The following ZNF563 variants were observed in gnomAD, a reference collection of about 807,000 sequenced individuals.
ZNF563 encodes zinc finger protein 563.
ZNF563 carries 39 observed loss-of-function variants against 48.5 expected under a neutral mutation model. The observed-to-expected ratio is 0.80, with a 90% CI of 0.62 to 1.05. The LOEUF is 1.05. ZNF563 is among the 50% of genes least tolerant of loss of function. ZNF563 has a pLI of 0.00. For synonymous variants in ZNF563, 168 were observed against 187.9 expected, an observed-to-expected ratio of 0.89 and a Z score of 0.87; for missense variants, 538 against 597.0, an observed-to-expected ratio of 0.90 and a Z score of 1.03.
rs748046558 is a variant in ZNF563, at chr19:12,319,381, T to G, written c.644A>C (p.His215Pro). 4 of 1,614,222 alleles carry G rather than the reference T, an allele frequency of 2.5e-6. No homozygotes were observed. The highest frequency in any genetic ancestry group is 2.2e-5 in the East Asian group (1 of 44,884). Reference protein sequence around the residue: ...AFFWPSLLRMHERTHTGEKPY... With the variant: ...AFFWPSLLRMPERTHTGEKPY... ...TTTCTCTCCAGTGTGAGTTCTTTCA[T>G]GCATACGTAATAAACTGGGCCAAAA... The change falls in exon 4 of 4, where the codon CAT (histidine) becomes CCT (proline). Residue 215 changes from histidine (H) to proline (P), a missense_variant. Coordinates refer to ENST00000293725, the MANE Select transcript of ZNF563 (RefSeq NM_145276.3).
upstream of ZNF563, chr19:12,333,727 C>T (rs1190186157): frequency 1.3e-5 from 7 of 546,644 alleles, no homozygotes; most frequent in Non-Finnish European, 2.3e-5. Context: ...ACAGTTCTCA[C>T]GACCCCGCCC....
At chr19:12,333,203 G>C (rs1968964870) in intron 1 of ZNF563, among the ~76,000 whole-genome samples, 1 of 152,196 alleles carries the variant, frequency 6.6e-6, no homozygotes. Flanking sequence ...CCCAATCCTG[G>C]GGAGATGGGG....
At chr19:12,326,180 T>C (rs1028577484) in intron 1 of ZNF563, among the ~76,000 whole-genome samples, 2 of 152,114 alleles carry the variant, frequency 1.3e-5, no homozygotes, top group Non-Finnish European at 2.9e-5. Flanking sequence ...TTAAATATGT[T>C]CAATGAGGTG....
the ZNF563 span, among the ~76,000 whole-genome samples, chr19:12,343,060 G>A: frequency 1.3e-5 from 2 of 151,614 alleles, no homozygotes; most frequent in African/African-American, 2.4e-5. Flanking sequence ...ATCCAGGTGT[G>A]GTGGCAAGCA....
At chr19:12,320,067 C>T (rs751962065) in intron 3 of ZNF563, among the ~76,000 whole-genome samples, 7 of 152,080 alleles carry the variant, frequency 4.6e-5, no homozygotes, top group East Asian at 3.9e-4. Flanking sequence ...GAGAGGCATA[C>T]GCCACCACGC....
At chr19:12,339,817 A>G in the ZNF563 span, among the ~76,000 whole-genome samples, 1 of 152,242 alleles carries the variant, frequency 6.6e-6, no homozygotes, top group Non-Finnish European at 1.5e-5. Context: ...GTAGACATCC[A>G]AGAAGCTCAA....
At chr19:12,333,805 C>T, upstream of ZNF563, 2 of 447,494 alleles carry the variant, frequency 4.5e-6, no homozygotes, top group Non-Finnish European at 4.0e-6. Flanking sequence ...GAAGCGATCA[C>T]ACAGTGCTGA....
At chr19:12,337,425 A>C (rs965898501), upstream of ZNF563, among the ~76,000 whole-genome samples, 2 of 151,922 alleles carry the variant, frequency 1.3e-5, no homozygotes, top group African/African-American at 4.8e-5. Flanking sequence ...GCTGGTCTAA[A>C]CTCTTAGACT....
chr19:12,334,868 CAAA>C (rs35412288), upstream of ZNF563, among the ~76,000 whole-genome samples: 164 of 45,022 alleles, frequency 3.6e-3, no homozygotes, highest in African/African-American at 0.013. Flanking sequence ...GACCTGGTCT[CAAA>C]AAAAAAAAAA....
At position 12,329,287 on chromosome 19, in the gene ZNF563, C is replaced by G. The variant is rs566041565; in HGVS notation, c.3+4193G>C. Among the ~76,000 whole-genome samples the G allele has an allele frequency of 2.0e-4, 31 of 152,200 alleles. No individual in the cohort carries two copies. In the South Asian group the frequency reaches 2.3e-3, roughly 11 times the overall value. On this transcript the variant is annotated intron_variant, in intron 1 of 3. Coordinates refer to ENST00000293725, the MANE Select transcript of ZNF563 (RefSeq NM_145276.3). ...AGGAGTTCGAGACCTGCTTGGCCAA[C>G]ATGGTGAAACCCCGTCTCTACTAAA...
intron 2 of ZNF563, 46 bp downstream of exon 2, chr19:12,322,539 A>G (rs1361020009): frequency 1.3e-6 from 2 of 1,549,746 alleles, no homozygotes; most frequent in Non-Finnish European, 1.7e-6. Context: ...TGACCATGAA[A>G]CAAATGTCTG....
Position 12,319,496 on chromosome 19 carries a change from T to A in ZNF563, c.529A>T (p.Thr177Ser). 1 of 1,613,974 alleles carries A rather than the reference T, an allele frequency of 6.2e-7. No homozygotes were observed. Among genetic ancestry groups the A allele is most frequent in the Non-Finnish European group, 8.5e-7 (1 of 1,179,810 alleles). The change falls in exon 4 of 4, where the codon ACC becomes TCC. Residue 177 changes from threonine (T) to serine (S), a missense_variant. Physicochemically the swap from Thr to Ser is moderately conservative, Grantham distance 58. Coordinates refer to ENST00000293725, the MANE Select transcript of ZNF563 (RefSeq NM_145276.3). ...KRYECKECGK[T>S]FSSRRNLRRH... ...CGAAGGTTTCTACGAGAACTGAAGGTTTTTCCACATTCCTTACACTCATAG... is the reference window on the plus strand; with the variant it reads ...CGAAGGTTTCTACGAGAACTGAAGGATTTTCCACATTCCTTACACTCATAG...
Position 12,318,499 on chromosome 19 carries a change from C to A in ZNF563, c.*95G>T, listed in dbSNP as rs74901783. ...AGGAATAAAAATTATGAAAGGCTTT[C>A]CCACATTTACATTTATAGGGTTTCT... On this transcript the variant is annotated 3_prime_UTR_variant, in exon 4 of 4. Coordinates refer to ENST00000293725, the MANE Select transcript of ZNF563 (RefSeq NM_145276.3). 2 of 1,334,046 alleles carry A rather than the reference C, an allele frequency of 1.5e-6. No individual in the cohort carries two copies. Among genetic ancestry groups the A allele is most frequent in the African/African-American group, 1.5e-5 (1 of 67,908 alleles). 82.6% of individuals were successfully genotyped at this position (1,334,046 alleles called of 1,614,324 possible).
At position 12,318,352 on chromosome 19, in the gene ZNF563, G is replaced by A. The variant is rs1004051282; in HGVS notation, c.*242C>T. On this transcript the variant is annotated 3_prime_UTR_variant, in exon 4 of 4. Transcript: ENST00000293725. ...CTTCCCTACATATTTTACACTCACA[G>A]AGTTTTTCTGCTCTGTGAGTTGTTT... 1.9e-6 allele frequency: 1 copy of A among 534,638 alleles called. No homozygotes were observed. The highest frequency in any genetic ancestry group is 3.3e-6 in the Non-Finnish European group (1 of 305,126). The allele number at this position is 534,638 out of a possible 1,614,324, so 33.1% of individuals were successfully genotyped here. A position where few individuals can be genotyped will look rare whatever the true frequency, so the allele number is the denominator to read the frequency against.
intron 2 of ZNF563, among the ~76,000 whole-genome samples, chr19:12,322,244 T>A (rs954934984): frequency 6.6e-6 from 1 of 151,718 alleles, no homozygotes; most frequent in Non-Finnish European, 1.5e-5. Flanking sequence ...TTAGTAGAGA[T>A]GGGGTTTCAC....
rs540125118 is a variant in ZNF563 at position 12,319,523 on chromosome 19, G to A, written c.502C>T (p.Arg168Cys). The A allele has an allele frequency of 5.7e-5, 92 of 1,614,152 alleles. 1 individual carries two copies. The highest frequency in any genetic ancestry group is 2.2e-4 in the South Asian group (20 of 91,088). ...TTTCCACATTCCTTACACTCATAGC[G>A]TTTCTTTCCAGTGTGAGGCCTTCCA... The part of the protein sequence containing the change: ...SRGRPHTGKK[R>C]YECKECGKTF... Residue 168 changes from arginine (R) to cysteine (C), a missense_variant, in exon 4 of 4, where the codon CGC (arginine) becomes TGC (cysteine). By Grantham distance (180) the Arg-to-Cys change is radical. Transcript: ENST00000293725.
At chr19:12,319,889 T>C (rs1968563169) in intron 3 of ZNF563, 56 bp from the exon 4 acceptor site, 2 of 1,505,656 alleles carry the variant, frequency 1.3e-6, no homozygotes, top group Non-Finnish European at 1.8e-6. Flanking sequence ...ATTATTTATT[T>C]ATGTGTATTA....
chr19:12,324,735 A>C (rs1263864068), intron 1 of ZNF563, among the ~76,000 whole-genome samples: 10 of 151,598 alleles, frequency 6.6e-5, no homozygotes, highest in Non-Finnish European at 1.3e-4. Flanking sequence ...AAAAAAAAAA[A>C]AAAAAAAAAC....
At chr19:12,323,641 G>C (rs1483124942) in intron 1 of ZNF563, among the ~76,000 whole-genome samples, 2 of 152,256 alleles carry the variant, frequency 1.3e-5, no homozygotes, top group Non-Finnish European at 2.9e-5. Context: ...AACAAATATT[G>C]TTCCTTATAA....
Sources: gnomAD v4.1 joint callset for allele counts (sites outside exome capture counted in the v4.1 genomes callset) on GRCh38, gnomAD v4.1.1 for gene constraint, MANE v1.5 for transcripts, NCBI Gene and HGNC (gene_info 2026-07-23, HGNC 2026-07-21) for gene names.